The following RORA variants were observed in gnomAD, a reference collection of about 807,000 sequenced individuals.
The protein encoded by RORA is RAR related orphan receptor A.
Under a neutral mutation model 69.5 loss-of-function variants are expected in RORA, and 7 were observed. That is an observed-to-expected ratio of 0.10 (90% CI 0.06 to 0.19). The LOEUF (loss-of-function observed/expected upper bound fraction) is 0.19, where lower values mean the gene tolerates loss of function less well. RORA is among the 10% of genes least tolerant of loss of function. RORA has a pLI of 1.00. For missense variants in RORA, 457 were observed against 663.0 expected, an observed-to-expected ratio of 0.69 and a Z score of 3.41; for synonymous variants, 261 against 240.8, an observed-to-expected ratio of 1.08 and a Z score of -0.78.
chr15:61,163,713 A>G (rs910385511), intron 1 of RORA, among the ~76,000 whole-genome samples: 1 of 152,194 alleles, frequency 6.6e-6, no homozygotes. Flanking sequence ...AATTCCACAG[A>G]GTTTGTCACA....
At chr15:60,618,886 T>C (rs2069328260) in intron 2 of RORA, among the ~76,000 whole-genome samples, 1 of 152,226 alleles carries the variant, frequency 6.6e-6, no homozygotes, top group African/African-American at 2.4e-5. Flanking sequence ...CCATCTGCCT[T>C]AACACCTCCT....
At chr15:61,083,530 T>C (rs867379289) in intron 1 of RORA, among the ~76,000 whole-genome samples, 2 of 152,068 alleles carry the variant, frequency 1.3e-5, no homozygotes, top group African/African-American at 4.8e-5. Context: ...CACAAAATCC[T>C]CTGGTGCAGG....
intron 1 of RORA, among the ~76,000 whole-genome samples, chr15:60,807,676 T>C (rs931265095): frequency 6.6e-6 from 1 of 152,168 alleles, no homozygotes; most frequent in Non-Finnish European, 1.5e-5. Context: ...CTTCAAACTA[T>C]ACTATACGGC....
rs1202393700 is a variant in RORA, at chr15:60,496,376, T to A, written c.*1079A>T. On this transcript the variant is annotated 3_prime_UTR_variant, in exon 11 of 11. Transcript: ENST00000335670. The surrounding 1 kb of genome is among the most constrained non-coding windows in gnomAD (Gnocchi z 4.5). ...ATAAGAATTCCAAGTTGAGACCGAG[T>A]CCATATTTAACTACTGAATTGTGTA... The A allele has an allele frequency of 6.6e-6, 1 of 152,040 alleles. No individual in the cohort carries two copies. The highest frequency in any genetic ancestry group is 1.9e-4 in the East Asian group (1 of 5,200). 9.4% of individuals were successfully genotyped at this position (152,040 alleles called of 1,614,324 possible). A position where few individuals can be genotyped will look rare whatever the true frequency, so the allele number is the denominator to read the frequency against.
rs1595687246 is a variant in RORA, at chr15:60,754,191, T to C, written c.167-75505A>G. 3.3e-5 allele frequency among the ~76,000 whole-genome samples: 5 copies of C among 152,258 alleles called. No homozygotes were observed. The South Asian group carries it at 1.0e-3, about 31-fold the overall frequency. On this transcript the variant is annotated intron_variant, in intron 1 of 10. Coordinates refer to ENST00000335670, the MANE Select transcript of RORA (RefSeq NM_134261.3). ...ACAATATAGCATGAGGTATTTTTAT[T>C]TGTCTGCTTTGAAAATCATCGGCTG...
intron 1 of RORA, among the ~76,000 whole-genome samples, chr15:60,858,692 TACACACACACAC>T (rs3053884): frequency 1.3e-4 from 18 of 142,818 alleles, no homozygotes; most frequent in African/African-American, 4.2e-4. Context: ...AGAAAGAAAA[TACACACACACAC>T]ACACACACAC....
intron 2 of RORA, among the ~76,000 whole-genome samples, chr15:60,603,910 G>C (rs760225605): frequency 1.3e-5 from 2 of 152,104 alleles, no homozygotes; most frequent in Non-Finnish European, 2.9e-5. Flanking sequence ...TGAGGTGGGT[G>C]GATCACCTGA....
chr15:61,109,977 T>C (rs1209679936), intron 1 of RORA, among the ~76,000 whole-genome samples: 1 of 152,248 alleles, frequency 6.6e-6, no homozygotes, highest in East Asian at 1.9e-4. Context: ...CACAGGATTA[T>C]AATGAAACTA....
intron 1 of RORA, among the ~76,000 whole-genome samples, chr15:61,051,698 G>A (rs555983675): frequency 1.6e-4 from 24 of 152,270 alleles, no homozygotes; most frequent in African/African-American, 5.5e-4. Context: ...GAGAGGCTTC[G>A]GAAAGGACTG....
chr15:61,102,668 G>A (rs1367985575), intron 1 of RORA, among the ~76,000 whole-genome samples: 1 of 152,112 alleles, frequency 6.6e-6, no homozygotes, highest in African/African-American at 2.4e-5. Flanking sequence ...TGGATCCCCG[G>A]GCTGGTGCGC....
chr15:60,945,228 A>C (rs931378174), intron 1 of RORA, among the ~76,000 whole-genome samples: 5 of 152,210 alleles, frequency 3.3e-5, no homozygotes, highest in Admixed American at 6.5e-5. Flanking sequence ...AATCATGGGA[A>C]AGAACAGGAA....
At chr15:60,749,971 G>A (rs12595638) in intron 1 of RORA, among the ~76,000 whole-genome samples, 10,150 of 152,256 alleles carry the variant, frequency 0.067, 455 homozygotes, top group Admixed American at 0.12. Context: ...TCGAGGCTGC[G>A]GTGAGCCATG....
chr15:60,628,075 C>G (rs2069639027), intron 2 of RORA, among the ~76,000 whole-genome samples: 1 of 152,090 alleles, frequency 6.6e-6, no homozygotes, highest in South Asian at 2.1e-4. Context: ...TAACGTATTG[C>G]TTTACTATGG....
rs145478101 is a variant in RORA, at chr15:60,559,894, T to C, written c.197-28043A>G. Among the ~76,000 whole-genome samples the C allele has an allele frequency of 5.5e-3, 831 of 152,364 alleles. 6 individuals are homozygous for C. The highest frequency in any genetic ancestry group is 0.019 in the African/African-American group (778 of 41,592). ...TCAAAGCCAAATACACATAACTTTA[T>C]AAATTTAGCCACTGTTTTTTTTCCC... On this transcript the variant is annotated intron_variant, in intron 2 of 10. Transcript: ENST00000335670.
chr15:60,953,799 C>T (rs1258424542), intron 1 of RORA, among the ~76,000 whole-genome samples: 1 of 151,494 alleles, frequency 6.6e-6, no homozygotes. Context: ...ACAACAGGTG[C>T]TGGAGAGGAT....
intron 1 of RORA, among the ~76,000 whole-genome samples, chr15:60,998,181 T>A (rs149945688): frequency 0.023 from 3,539 of 152,250 alleles, 152 homozygotes; most frequent in African/African-American, 0.082. Flanking sequence ...TCTTTTTTTC[T>A]GAGACAGGTT....
chr15:60,837,980 GA>G lies in RORA; in HGVS notation c.167-159295del, dbSNP rs201169572. Among the ~76,000 whole-genome samples the G allele has an allele frequency of 7.2e-3, 1,098 of 152,262 alleles. 16 individuals carry two copies. Among genetic ancestry groups the G allele is most frequent in the African/African-American group, 0.025 (1,059 of 41,546 alleles). On this transcript the variant is annotated intron_variant, in intron 1 of 10. Transcript: ENST00000335670. ...AGAGAAAACGTCTGAAAATACTTGAGAAGGGGCTTTTAGAAATGAACAACCC... is the reference window on the plus strand; with the variant it reads ...AGAGAAAACGTCTGAAAATACTTGAGAGGGGCTTTTAGAAATGAACAACCC...
intron 1 of RORA, among the ~76,000 whole-genome samples, chr15:61,140,088 A>G (rs1372522034): frequency 6.6e-6 from 1 of 152,198 alleles, no homozygotes; most frequent in Non-Finnish European, 1.5e-5. Flanking sequence ...CTGAATGTAC[A>G]ATGTTGAACT....
intron 1 of RORA, among the ~76,000 whole-genome samples, chr15:60,838,123 A>G (rs1236322128): frequency 6.6e-6 from 1 of 152,144 alleles, no homozygotes; most frequent in Non-Finnish European, 1.5e-5. Flanking sequence ...CACTCGAGCC[A>G]TCCCAAGTGG....
Sources: allele counts gnomAD v4.1 joint callset (sites outside exome capture counted in the v4.1 genomes callset), GRCh38; gene constraint gnomAD v4.1.1; non-coding constraint Gnocchi (gnomAD v3.1); transcripts MANE v1.5; gene names NCBI Gene and HGNC (gene_info 2026-07-23, HGNC 2026-07-21).